The following MAP3K4 variants were observed in gnomAD, a reference collection of about 807,000 sequenced individuals.
MAP3K4 encodes the protein mitogen-activated protein kinase kinase kinase 4, also known as MAP three kinase 1.
A neutral mutation model predicts 185.6 loss-of-function variants in MAP3K4; 67 were observed. That is an observed-to-expected ratio of 0.36 (90% CI 0.30 to 0.44). The LOEUF (loss-of-function observed/expected upper bound fraction) is 0.44. Ranked by LOEUF, MAP3K4 falls within the 20% of genes least tolerant of loss-of-function variation. MAP3K4 has a pLI of 1.00. For synonymous variants in MAP3K4, 702 were observed against 710.4 expected (o/e 0.99, Z 0.19); for missense variants, 1,551 against 1,995.1 (o/e 0.78, Z 4.24).
At chr6:161,009,541 G>A (rs1781751967) in intron 1 of MAP3K4, among the ~76,000 whole-genome samples, 1 of 152,008 alleles carries the variant, frequency 6.6e-6, no homozygotes, top group African/African-American at 2.4e-5. Context: ...TTTTCTTAAG[G>A]TTCATCCATG....
intron 3 of MAP3K4, among the ~76,000 whole-genome samples, chr6:161,058,314 A>T (rs1366059507): frequency 6.6e-6 from 1 of 152,232 alleles, no homozygotes; most frequent in African/African-American, 2.4e-5. Context: ...CACTGGGTCC[A>T]CATTCCCACA....
In MAP3K4 at chr6:161,112,794, C is replaced by T; in HGVS notation, c.4626+20C>T. The T allele has an allele frequency of 6.5e-7, 1 of 1,529,612 alleles. No homozygotes were observed. Among genetic ancestry groups the T allele is most frequent in the Non-Finnish European group, 8.8e-7 (1 of 1,137,158 alleles). The allele number at this position is 1,529,612 out of a possible 1,614,324, so 94.8% of individuals were successfully genotyped here. A position where few individuals can be genotyped will look rare whatever the true frequency, so the allele number is the denominator to read the frequency against. ...GGCAAGGTAAGCGGAGCCCCCACACCTGGCGGAGCAACTTCAGAAGGGCAC... is the reference window on the plus strand; with the variant it reads ...GGCAAGGTAAGCGGAGCCCCCACACTTGGCGGAGCAACTTCAGAAGGGCAC... On this transcript the variant is annotated intron_variant, in intron 25 of 26. Transcript: ENST00000392142. The surrounding 1 kb of genome is among the most constrained non-coding windows in gnomAD (Gnocchi z 5.1).
At chr6:161,010,650 A>G (rs1007806109) in intron 1 of MAP3K4, among the ~76,000 whole-genome samples, 8 of 152,242 alleles carry the variant, frequency 5.3e-5, no homozygotes, top group Non-Finnish European at 1.0e-4. Context: ...GAGAATCATT[A>G]CTAATCACTT....
In MAP3K4 at chr6:161,084,708, A is replaced by G; in HGVS notation, c.2372+91A>G. 1.4e-6 allele frequency: 1 copy of G among 702,602 alleles called. No individual in the cohort carries two copies. Among genetic ancestry groups the G allele is most frequent in the Non-Finnish European group, 2.5e-6 (1 of 393,706 alleles). 43.5% of individuals were successfully genotyped at this position (702,602 alleles called of 1,614,324 possible). On this transcript the variant is annotated intron_variant, in intron 7 of 26. Coordinates refer to ENST00000392142, the MANE Select transcript of MAP3K4 (RefSeq NM_005922.4). The surrounding 1 kb of genome is among the most constrained non-coding windows in gnomAD (Gnocchi z 4.6). ...CCTAGAAGGAGCCTTGTTCAAACCA[A>G]ATTGTGTTGGCCTGGAAGAATTTGG...
In MAP3K4 at chr6:161,091,684, A is replaced by G; in HGVS notation, c.3135+144A>G. On this transcript the variant is annotated intron_variant, in intron 12 of 26. Transcript: ENST00000392142. The surrounding 1 kb of genome is among the most constrained non-coding windows in gnomAD (Gnocchi z 5.5). ...TCATCTTATATCACTGCTGTATATC[A>G]GAGATGTTAGTTTACTTTTAAACTG... The G allele has an allele frequency of 1.3e-6, 1 of 740,964 alleles. No individual in the cohort carries two copies. Among genetic ancestry groups the G allele is most frequent in the Middle Eastern group, 3.4e-4 (1 of 2,964 alleles). The allele number at this position is 740,964 out of a possible 1,614,324, so 45.9% of individuals were successfully genotyped here.
Position 161,051,166 on chromosome 6 carries a change from A to AG in MAP3K4, c.1707+1188dup, listed in dbSNP as rs1351932150. ...TTCTTCCCAAATATTTCTGATCTGC[A>AG]GTTGGTTGAATTCATGGATGTGGAA... On this transcript the variant is annotated intron_variant, in intron 3 of 26. Transcript: ENST00000392142. This position sits in a 1 kb window ranked among gnomAD's most constrained non-coding sequence, Gnocchi z 4.2. Among the ~76,000 whole-genome samples the AG allele has an allele frequency of 1.3e-5, 2 of 152,234 alleles. No individual in the cohort carries two copies. Among genetic ancestry groups the AG allele is most frequent in the African/African-American group, 4.8e-5 (2 of 41,474 alleles).
chr6:161,089,845 T>C (rs1180414206), intron 11 of MAP3K4, among the ~76,000 whole-genome samples: 2 of 152,232 alleles, frequency 1.3e-5, no homozygotes, highest in African/African-American at 2.4e-5. Flanking sequence ...CAGTGTGTAA[T>C]AGAAGATTTA....
chr6:161,016,541 A>C (rs1337919845), intron 1 of MAP3K4, among the ~76,000 whole-genome samples: 1 of 152,256 alleles, frequency 6.6e-6, no homozygotes, highest in Non-Finnish European at 1.5e-5. Flanking sequence ...TTAAGGGTCC[A>C]ACTTCATTCC....
At chr6:161,065,777 A>C (rs1416136494) in intron 3 of MAP3K4, among the ~76,000 whole-genome samples, 7 of 152,114 alleles carry the variant, frequency 4.6e-5, no homozygotes, top group African/African-American at 7.2e-5. Flanking sequence ...TCTCTACTAA[A>C]AATACAAAAA....
rs957766320 is a variant in MAP3K4, at chr6:161,017,202, G to C, written c.153-17057G>C. Among the ~76,000 whole-genome samples, 3 of 152,094 alleles carry C rather than the reference G, an allele frequency of 2.0e-5. No homozygotes were observed. Among genetic ancestry groups the C allele is most frequent in the Non-Finnish European group, 4.4e-5 (3 of 68,014 alleles). Reference sequence around the variant, plus strand: ...TTAAAATTATTCTTGGTAGAGGAGGGATACATTTGTATAATTAAATGTAGG... The same window carrying C: ...TTAAAATTATTCTTGGTAGAGGAGGCATACATTTGTATAATTAAATGTAGG... On this transcript the variant is annotated intron_variant, in intron 1 of 26. Coordinates refer to ENST00000392142, the MANE Select transcript of MAP3K4 (RefSeq NM_005922.4). The surrounding 1 kb of genome is among the most constrained non-coding windows in gnomAD (Gnocchi z 5.1).
Position 161,070,968 on chromosome 6 carries a change from C to G in MAP3K4, c.1950+118C>G. ...AATTGTCGCAAATAGTGAAAAATGACTGTTTGTCCATGGTTTTAAGCTGTA... is the reference window on the plus strand; with the variant it reads ...AATTGTCGCAAATAGTGAAAAATGAGTGTTTGTCCATGGTTTTAAGCTGTA... On this transcript the variant is annotated intron_variant, in intron 4 of 26. Transcript: ENST00000392142. The surrounding 1 kb of genome is among the most constrained non-coding windows in gnomAD (Gnocchi z 4.5). 1 of 971,444 alleles carries G rather than the reference C, an allele frequency of 1.0e-6. No individual in the cohort carries two copies. Among genetic ancestry groups the G allele is most frequent in the East Asian group, 2.7e-5 (1 of 37,280 alleles). The allele number at this position is 971,444 out of a possible 1,614,324, so 60.2% of individuals were successfully genotyped here. A position where few individuals can be genotyped will look rare whatever the true frequency, so the allele number is the denominator to read the frequency against.
At chr6:161,015,322 G>A (rs1782041446) in intron 1 of MAP3K4, among the ~76,000 whole-genome samples, 1 of 151,934 alleles carries the variant, frequency 6.6e-6, no homozygotes, top group Admixed American at 6.6e-5. Context: ...TGGGGGGAGG[G>A]AGAGCATCAG....
At chr6:161,083,184 ATCCAGATGT>A (rs1785538988) in intron 6 of MAP3K4, among the ~76,000 whole-genome samples, 1 of 151,642 alleles carries the variant, frequency 6.6e-6, no homozygotes, top group Non-Finnish European at 1.5e-5. Flanking sequence ...TCAGGTCTTT[ATCCAGATGT>A]TACCTTCTCG....
intron 1 of MAP3K4, among the ~76,000 whole-genome samples, chr6:161,020,317 C>G (rs9456610): frequency 0.027 from 4,114 of 152,162 alleles, 121 homozygotes; most frequent in African/African-American, 0.072. Flanking sequence ...CTCTGTCACC[C>G]AGGCTGGACT....
intron 1 of MAP3K4, among the ~76,000 whole-genome samples, chr6:161,020,727 C>G (rs973040449): frequency 2.7e-5 from 4 of 150,474 alleles, no homozygotes; most frequent in Admixed American, 2.6e-4. Flanking sequence ...CATTCAAGTT[C>G]AGGGAATTCT....
chr6:161,047,746 G>T (rs75938746), intron 2 of MAP3K4, among the ~76,000 whole-genome samples: 3 of 152,084 alleles, frequency 2.0e-5, no homozygotes, highest in Admixed American at 6.5e-5. Flanking sequence ...GAACCCAGAA[G>T]CAACAGAATG....
intron 1 of MAP3K4, among the ~76,000 whole-genome samples, chr6:161,009,070 C>T (rs9458085): frequency 0.028 from 4,251 of 151,710 alleles, 130 homozygotes; most frequent in African/African-American, 0.075. Context: ...CCACAACCTC[C>T]GCCTTGCAGG....
Position 160,996,139 on chromosome 6 carries a change from T to A in MAP3K4, c.152+4056T>A, listed in dbSNP as rs1311881206. On this transcript the variant is annotated intron_variant, in intron 1 of 26. Coordinates refer to ENST00000392142, the MANE Select transcript of MAP3K4 (RefSeq NM_005922.4). This position sits in a 1 kb window ranked among gnomAD's most constrained non-coding sequence, Gnocchi z 4.5. ...GACCTTGTATGTCAACTGTTCTCCC[T>A]GGCAAAGTCAGCCTCCTGTGGTGCT... 3.3e-5 allele frequency among the ~76,000 whole-genome samples: 5 copies of A among 152,134 alleles called. No individual in the cohort carries two copies. The highest frequency in any genetic ancestry group is 1.2e-4 in the African/African-American group (5 of 41,412).
chr6:161,079,164 A>G (rs1455587101), intron 5 of MAP3K4, among the ~76,000 whole-genome samples: 5 of 150,176 alleles, frequency 3.3e-5, no homozygotes, highest in South Asian at 2.1e-4. Context: ...CAGTAAGCCA[A>G]GATCATGCCA....
Sources: allele counts gnomAD v4.1 joint callset (sites outside exome capture counted in the v4.1 genomes callset), GRCh38; gene constraint gnomAD v4.1.1; non-coding constraint Gnocchi (gnomAD v3.1); transcripts MANE v1.5; gene names NCBI Gene and HGNC (gene_info 2026-07-23, HGNC 2026-07-21).